The following NUP188 variants were observed in gnomAD, a reference collection of about 807,000 sequenced individuals.
NUP188 encodes nucleoporin NUP188.
In NUP188, 97 loss-of-function variants were observed where a neutral mutation model predicts 223.0. The observed-to-expected ratio is 0.43, with a 90% confidence interval of 0.37 to 0.51. The LOEUF (loss-of-function observed/expected upper bound fraction) is 0.51. NUP188 is among the 20% of genes least tolerant of loss of function. The pLI is 0.00. For synonymous variants in NUP188, 869 were observed against 828.0 expected, an observed-to-expected ratio of 1.05 and a Z score of -0.85; for missense variants, 1,947 against 2,175.6, an observed-to-expected ratio of 0.89 and a Z score of 2.09.
intron 27 of NUP188, among the ~76,000 whole-genome samples, chr9:128,994,097 C>T (rs1327079822): frequency 6.6e-6 from 1 of 152,162 alleles, no homozygotes; most frequent in African/African-American, 2.4e-5. Context: ...TATTTCCCTC[C>T]CTCCTCTTCT....
At chr9:128,964,536 A>ATTTT (rs61518157) in intron 8 of NUP188, among the ~76,000 whole-genome samples, 11 of 122,872 alleles carry the variant, frequency 9.0e-5, no homozygotes, top group Non-Finnish European at 1.4e-4. Context: ...TAATTTTTGT[A>ATTTT]TTTTTTTTTT....
rs749967148 is a variant in NUP188 at position 128,980,677 on chromosome 9, C to G, written c.1341C>G (p.Leu447=). The change falls in exon 14 of 44, where the codon CTC becomes CTG. Residue 447 remains leucine (L), a synonymous_variant. Transcript: ENST00000372577. ...CGMFPHLLSP[L]LQLLRALVSG... is the part of the protein sequence containing the mutation. ...TGTTTCCCCACCTTCTCTCCCCACT[C>G]CTGCAACTGCTCCGAGCCCTGGTAT... The G allele has an allele frequency of 6.2e-7, 1 of 1,614,132 alleles. No homozygotes were observed. Among genetic ancestry groups the G allele is most frequent in the East Asian group, 2.2e-5 (1 of 44,872 alleles).
At chr9:128,957,175 C>T in intron 5 of NUP188, 143 bp downstream of exon 5, 1 of 561,140 alleles carries the variant, frequency 1.8e-6, no homozygotes, top group Non-Finnish European at 3.2e-6. Context: ...CTACTAAAGG[C>T]TTTAAAAAAA....
Position 128,969,514 on chromosome 9 carries a change from G to T in NUP188, c.912G>T (p.Gln304His). 1 of 1,526,470 alleles carries T rather than the reference G, an allele frequency of 6.6e-7. No homozygotes were observed. Among genetic ancestry groups the T allele is most frequent in the Non-Finnish European group, 8.8e-7 (1 of 1,136,410 alleles). The allele number at this position is 1,526,470 out of a possible 1,614,324, so 94.6% of individuals were successfully genotyped here. A position where few individuals can be genotyped will look rare whatever the true frequency, so the allele number is the denominator to read the frequency against. Reference sequence around the variant, plus strand: ...TTGCGCAGGATGGGCTTATTTGTCAGGTGACTTGGAATAGCCTCTTTTTTT... The same window carrying T: ...TTGCGCAGGATGGGCTTATTTGTCATGTGACTTGGAATAGCCTCTTTTTTT... The part of the protein sequence containing the change: ...HQFAQDGLIC[Q>H]DMDCLMLTFG... Residue 304 changes from glutamine (Q) to histidine (H), a missense_variant and splice_region_variant, in exon 10 of 44, where the codon CAG (glutamine) becomes CAT (histidine). By Grantham distance (24) the Gln-to-His change is conservative (BLOSUM62 0). Coordinates refer to ENST00000372577, the MANE Select transcript of NUP188 (RefSeq NM_015354.3).
intron 34 of NUP188, among the ~76,000 whole-genome samples, chr9:129,000,605 A>G (rs1311432491): frequency 6.6e-6 from 1 of 151,928 alleles, no homozygotes; most frequent in Non-Finnish European, 1.5e-5. Context: ...GGCGTGAGCC[A>G]CCACGCCTGG....
chr9:128,948,044 C>G, intron 1 of NUP188: 1 of 323,116 alleles, frequency 3.1e-6, no homozygotes, highest in South Asian at 1.5e-4. Context: ...CGACGCGTCT[C>G]TTGGCGCCCC....
intron 30 of NUP188, among the ~76,000 whole-genome samples, chr9:128,997,308 A>G (rs1310857915): frequency 1.3e-5 from 2 of 152,140 alleles, no homozygotes; most frequent in African/African-American, 4.8e-5. Context: ...CATCAGTTGG[A>G]CCAGATCCTG....
Position 128,969,521 on chromosome 9 carries a change from TGGAATAG to T in NUP188, c.912+8_912+14del. 6.8e-7 allele frequency: 1 copy of T among 1,466,510 alleles called. No individual in the cohort carries two copies. The highest frequency in any genetic ancestry group is 1.3e-5 in the South Asian group (1 of 76,944). 90.8% of individuals were successfully genotyped at this position (1,466,510 alleles called of 1,614,324 possible). The stretch of plus-strand genomic sequence containing the variant: ...GGATGGGCTTATTTGTCAGGTGACT[TGGAATAG>T]CCTCTTTTTTTTCAGAGGGTTTATA... On this transcript the variant is annotated splice_region_variant and intron_variant, in intron 10 of 43. Coordinates refer to ENST00000372577, the MANE Select transcript of NUP188 (RefSeq NM_015354.3).
At chr9:128,987,912 C>A in intron 23 of NUP188, 135 bp from the exon 24 acceptor site, 1 of 1,191,284 alleles carries the variant, frequency 8.4e-7, no homozygotes, top group Non-Finnish European at 1.2e-6. Flanking sequence ...CTCCTCTCTC[C>A]TAGTTTGGAC....
intron 9 of NUP188, among the ~76,000 whole-genome samples, 188 bp from the exon 10 acceptor site, chr9:128,969,212 T>C (rs886311950): frequency 6.6e-6 from 1 of 152,178 alleles, no homozygotes; most frequent in South Asian, 2.1e-4. Context: ...TTGTCCAAGA[T>C]AGTCTTGAAC....
intron 34 of NUP188, among the ~76,000 whole-genome samples, chr9:129,000,374 A>G (rs771866007): frequency 1.3e-5 from 2 of 152,176 alleles, no homozygotes; most frequent in Non-Finnish European, 2.9e-5. Flanking sequence ...GGTGGAGTGC[A>G]GTGGTGCGAT....
intron 19 of NUP188, among the ~76,000 whole-genome samples, chr9:128,984,393 T>G (rs904142249): frequency 1.3e-5 from 2 of 152,158 alleles, no homozygotes; most frequent in African/African-American, 4.8e-5. Flanking sequence ...CCCAAAGTGC[T>G]GGGATTACAG....
intron 8 of NUP188, among the ~76,000 whole-genome samples, chr9:128,961,957 A>G (rs1394368621): frequency 1.5e-5 from 2 of 135,986 alleles, no homozygotes; most frequent in African/African-American, 2.8e-5. Flanking sequence ...TTTTTTTTGG[A>G]CGGAGTTTTA....
At chr9:128,982,427 CA>C (rs879817506) in intron 15 of NUP188, 121 bp from the exon 16 acceptor site, 73,812 of 665,028 alleles carry the variant, frequency 0.11, no homozygotes, top group South Asian at 0.17. Context: ...GACTCTGTCT[CA>C]AAAAAAAAAA....
At chr9:128,971,054 A>C (rs1044413118) in intron 11 of NUP188, 96 bp downstream of exon 11, 11 of 915,412 alleles carry the variant, frequency 1.2e-5, no homozygotes, top group Admixed American at 7.1e-5. Flanking sequence ...TAATGGGATC[A>C]TGTTGTAACT....
chr9:128,981,484 C>A, intron 15 of NUP188, 94 bp downstream of exon 15: 1 of 1,234,660 alleles, frequency 8.1e-7, no homozygotes, highest in Non-Finnish European at 1.1e-6. Flanking sequence ...AAGATCATAG[C>A]TCACTGCAGC....
chr9:128,973,035 A>T (rs911125630), intron 11 of NUP188, 125 bp from the exon 12 acceptor site: 2 of 446,224 alleles, frequency 4.5e-6, no homozygotes, highest in Non-Finnish European at 7.6e-6. Flanking sequence ...AATTAGGAAA[A>T]TTATGAAGCT....
At position 128,990,109 on chromosome 9, in the gene NUP188, T is replaced by C; in HGVS notation, c.2534-11T>C. ...CACTTGATATCTAAACTGTTTCCTGTGCTGCTTTAGGTGCTCATGGAAACA... is the reference window on the plus strand; with the variant it reads ...CACTTGATATCTAAACTGTTTCCTGCGCTGCTTTAGGTGCTCATGGAAACA... On this transcript the variant is annotated splice_polypyrimidine_tract_variant and intron_variant, in intron 24 of 43. Transcript: ENST00000372577. 1.3e-6 allele frequency: 2 copies of C among 1,592,710 alleles called. No homozygotes were observed. The highest frequency in any genetic ancestry group is 1.7e-6 in the Non-Finnish European group (2 of 1,160,428).
At chr9:128,975,550 C>T (rs775434811) in intron 12 of NUP188, among the ~76,000 whole-genome samples, 3 of 151,752 alleles carry the variant, frequency 2.0e-5, no homozygotes, top group Admixed American at 6.6e-5. Context: ...GACGGAGTCT[C>T]GCTCTGTCGC....
Sources: allele counts gnomAD v4.1 joint callset (sites outside exome capture counted in the v4.1 genomes callset), GRCh38; gene constraint gnomAD v4.1.1; transcripts MANE v1.5; gene names NCBI Gene and HGNC (gene_info 2026-07-23, HGNC 2026-07-21).